Variants in LIMA1 observed in about 807,000 individuals in gnomAD.
The protein encoded by LIMA1 is LIM domain and actin-binding protein 1.
Under a neutral mutation model 62.6 loss-of-function variants are expected in LIMA1, and 52 were observed. That is an observed-to-expected ratio of 0.83 (90% CI 0.67 to 1.05). LIMA1 has a LOEUF of 1.05. LIMA1 is among the 50% of genes least tolerant of loss of function. The pLI is 0.00. For synonymous variants in LIMA1, 302 were observed against 317.8 expected (o/e 0.95, Z 0.53); for missense variants, 780 against 902.2 (o/e 0.86, Z 1.74).
rs145757087 is a variant in LIMA1 at position 50,195,843 on chromosome 12, G to A, written c.1017C>T (p.Ala339=). ...AAGAATGCTTACGGGAGTCATCTTC[G>A]GCAGGGGTGGAACGGACTGCCAGGC... ...ENSLAVRSTP[A]EDDSRDSQVK... The change falls in exon 8 of 11, where the codon GCC becomes GCT. Residue 339 remains alanine, a synonymous_variant. Coordinates refer to ENST00000341247, the MANE Select transcript of LIMA1 (RefSeq NM_016357.5). 35 of 1,596,240 alleles carry A rather than the reference G, an allele frequency of 2.2e-5. No homozygotes were observed. Among genetic ancestry groups the A allele is most frequent in the East Asian group, 1.4e-4 (6 of 44,392 alleles).
At chr12:50,255,558 AAAAAG>A (rs1433632396) in intron 1 of LIMA1, among the ~76,000 whole-genome samples, 3 of 151,124 alleles carry the variant, frequency 2.0e-5, no homozygotes, top group East Asian at 3.9e-4. Context: ...TCAAAAAAAA[AAAAAG>A]AAAAGAAAAG....
In LIMA1 at chr12:50,248,701, C is replaced by T. The variant is rs757970684; in HGVS notation, c.51G>A (p.Arg17=). The change falls in exon 2 of 11, where the codon AGG becomes AGA. Residue 17 remains arginine, a synonymous_variant. Transcript: ENST00000341247. The part of the protein sequence containing the change: ...NRRQWTSLSL[R]VTAKELSLVN... The stretch of plus-strand genomic sequence containing the variant: ...CAAGAGAAAGTTCTTTGGCTGTTAC[C>T]CTCAATGATAGTGAGGTCCATTGCC... 6 of 1,613,722 alleles carry T rather than the reference C, an allele frequency of 3.7e-6. No homozygotes were observed. The highest frequency in any genetic ancestry group is 5.1e-6 in the Non-Finnish European group (6 of 1,179,626).
intron 7 of LIMA1, among the ~76,000 whole-genome samples, chr12:50,197,959 T>C (rs1438740764): frequency 6.6e-6 from 1 of 152,200 alleles, no homozygotes; most frequent in East Asian, 1.9e-4. Context: ...CATGGGCTAA[T>C]GCCTGAGTCC....
chr12:50,265,065 A>G (rs1942121848), intron 1 of LIMA1, among the ~76,000 whole-genome samples: 2 of 151,202 alleles, frequency 1.3e-5, no homozygotes, highest in African/African-American at 2.4e-5. Flanking sequence ...AAGTGGGAAG[A>G]TTGCCTGAGC....
At chr12:50,266,897 A>AT (rs1465956330) in intron 1 of LIMA1, among the ~76,000 whole-genome samples, 24 of 151,916 alleles carry the variant, frequency 1.6e-4, no homozygotes, top group African/African-American at 5.3e-4. Flanking sequence ...CAATACATTT[A>AT]CTTTTTTTTT....
intron 1 of LIMA1, among the ~76,000 whole-genome samples, chr12:50,255,214 A>G (rs753092250): frequency 1.3e-5 from 2 of 151,944 alleles, no homozygotes; most frequent in East Asian, 1.9e-4. Context: ...CTTCCTGAAC[A>G]TAGCCTCAAA....
At chr12:50,266,305 A>C (rs1211436199) in intron 1 of LIMA1, among the ~76,000 whole-genome samples, 1 of 152,234 alleles carries the variant, frequency 6.6e-6, no homozygotes, top group East Asian at 1.9e-4. Context: ...CAGGATGCCT[A>C]TTTTACAGAT....
intron 1 of LIMA1, among the ~76,000 whole-genome samples, 184 bp downstream of exon 1, chr12:50,283,236 C>T (rs905836135): frequency 6.6e-6 from 1 of 152,042 alleles, no homozygotes; most frequent in East Asian, 1.9e-4. Flanking sequence ...GCACTCCCCA[C>T]CCAGCGCAGG....
intron 7 of LIMA1, among the ~76,000 whole-genome samples, chr12:50,199,650 G>C (rs1466476684): frequency 6.6e-6 from 1 of 151,866 alleles, no homozygotes; most frequent in African/African-American, 2.4e-5. Context: ...CACATGGAAT[G>C]GTTTGTCAAT....
chr12:50,260,186 T>C (rs1395828386), intron 1 of LIMA1, among the ~76,000 whole-genome samples: 5 of 151,836 alleles, frequency 3.3e-5, no homozygotes, highest in African/African-American at 7.3e-5. Context: ...TCACTCTTGT[T>C]GCCCATGCTG....
rs753424786 is a variant in LIMA1, at chr12:50,182,025, G to C, written c.1153C>G (p.Pro385Ala). ...CATTCCACGCAGGTCTCTCTTGCAG[G>C]TGCCTGAAACTTCTAGGAAAAACAA... Reference protein sequence around the residue: ...PPKAMKKFQAPARETCVECQK... With the variant: ...PPKAMKKFQAAARETCVECQK... Residue 385 changes from proline to alanine, a missense_variant, in exon 10 of 11, where the codon CCT becomes GCT. Pro to Ala is a conservative substitution (Grantham distance 27). Transcript: ENST00000341247. 1 of 1,612,668 alleles carries C rather than the reference G, an allele frequency of 6.2e-7. No homozygotes were observed. The highest frequency in any genetic ancestry group is 8.5e-7 in the Non-Finnish European group (1 of 1,179,998).
At chr12:50,236,512 C>T (rs1293538200) in intron 2 of LIMA1, among the ~76,000 whole-genome samples, 1 of 151,994 alleles carries the variant, frequency 6.6e-6, no homozygotes, top group South Asian at 2.1e-4. Context: ...GTTGGCCAGA[C>T]TGGTCTCCAA....
In LIMA1 at chr12:50,177,483, GCT is replaced by G. The variant is rs1382372353; in HGVS notation, c.1859_1860del (p.Glu620AlafsTer3). On this transcript the variant is annotated frameshift_variant, in exon 11 of 11. Coordinates refer to ENST00000341247, the MANE Select transcript of LIMA1 (RefSeq NM_016357.5). LOFTEE classifies it low-confidence loss of function (END_TRUNC). ...PPIRKGWSMSEQSEESVGGRV... is the reference protein window; with the variant it reads ...PPIRKGWSMSXQSEESVGGRV... ...CTTCCACCCACAGACTCTTCACTCTGCTCTGACATGCTCCAGCCTTTCCTGAT... is the reference window on the plus strand; with the variant it reads ...CTTCCACCCACAGACTCTTCACTCTGCTGACATGCTCCAGCCTTTCCTGAT... 1 of 1,613,626 alleles carries G rather than the reference GCT, an allele frequency of 6.2e-7. No individual in the cohort carries two copies. The highest frequency in any genetic ancestry group is 8.5e-7 in the Non-Finnish European group (1 of 1,179,962).
intron 1 of LIMA1, among the ~76,000 whole-genome samples, chr12:50,267,555 C>G (rs545791442): frequency 6.7e-6 from 1 of 149,234 alleles, no homozygotes; most frequent in East Asian, 2.0e-4. Context: ...GAGTCTCGCT[C>G]TGTCGCCAGG....
intron 1 of LIMA1, among the ~76,000 whole-genome samples, chr12:50,280,403 C>A (rs575863828): frequency 6.6e-6 from 1 of 152,058 alleles, no homozygotes; most frequent in African/African-American, 2.4e-5. Flanking sequence ...CGTGATCCTC[C>A]CGCCTCGGCC....
chr12:50,273,248 C>A (rs1942237447), intron 1 of LIMA1, among the ~76,000 whole-genome samples: 2 of 151,964 alleles, frequency 1.3e-5, no homozygotes, highest in South Asian at 4.2e-4. Flanking sequence ...AGCCACCACA[C>A]CTGGCCTGGT....
chr12:50,239,866 C>T (rs1185469792), intron 2 of LIMA1, among the ~76,000 whole-genome samples: 1 of 149,934 alleles, frequency 6.7e-6, no homozygotes, highest in African/African-American at 2.5e-5. Context: ...TGGTGGCATG[C>T]GCCTGTAGTC....
chr12:50,199,001 G>T (rs1244404041), intron 7 of LIMA1, among the ~76,000 whole-genome samples: 1 of 152,096 alleles, frequency 6.6e-6, no homozygotes, highest in Non-Finnish European at 1.5e-5. Context: ...TCTCACTGCT[G>T]CCTATGTGTA....
intron 2 of LIMA1, among the ~76,000 whole-genome samples, chr12:50,239,585 A>G (rs1441232391): frequency 6.6e-6 from 1 of 151,708 alleles, no homozygotes; most frequent in Non-Finnish European, 1.5e-5. Flanking sequence ...AGTTGCAGTG[A>G]GCCAAGATAG....
Sources: allele counts gnomAD v4.1 joint callset (sites outside exome capture counted in the v4.1 genomes callset), GRCh38; gene constraint gnomAD v4.1.1; transcripts MANE v1.5; gene names NCBI Gene and HGNC (gene_info 2026-07-23, HGNC 2026-07-21).